PAFAH1B1: variants seen among roughly 807,000 people sequenced by gnomAD.
The protein encoded by PAFAH1B1 is platelet-activating factor acetylhydrolase IB subunit beta.
PAFAH1B1 carries 2 observed loss-of-function variants against 57.5 expected under a neutral mutation model. The ratio of observed to expected loss-of-function variants is 0.03; its 90% confidence interval spans 0.01 to 0.11. The LOEUF (loss-of-function observed/expected upper bound fraction) is 0.11, where lower values mean the gene tolerates loss of function less well. Ranked by LOEUF, PAFAH1B1 falls within the 10% of genes least tolerant of loss-of-function variation. The pLI, the probability that PAFAH1B1 is intolerant of heterozygous loss-of-function variation, is 1.00. For missense variants in PAFAH1B1, 257 were observed against 512.0 expected, an observed-to-expected ratio of 0.50 and a Z score of 4.81; for synonymous variants, 152 against 169.6, an observed-to-expected ratio of 0.90 and a Z score of 0.81.
At position 2,632,219 on chromosome 17, in the gene PAFAH1B1, A is replaced by T. The variant is rs537445772; in HGVS notation, c.-190-5880A>T. ...CTTGGGATTTCAGGCGTGAGCCTCC[A>T]CACTCAGCCTCATTGTGTATTTCTG... is the stretch of plus-strand genomic sequence containing the variant. On this transcript the variant is annotated intron_variant, in intron 1 of 10. Transcript: ENST00000397195. Among the ~76,000 whole-genome samples the T allele has an allele frequency of 2.6e-5, 4 of 152,312 alleles. No homozygotes were observed. In the East Asian group the frequency reaches 7.7e-4, roughly 29 times the overall value.
rs1423042163 is a variant in PAFAH1B1, at chr17:2,632,331, A to G, written c.-190-5768A>G. Among the ~76,000 whole-genome samples the G allele has an allele frequency of 2.6e-5, 4 of 152,338 alleles. No homozygotes were observed. The South Asian group carries it at 8.3e-4, about 32-fold the overall frequency. On this transcript the variant is annotated intron_variant, in intron 1 of 10. Transcript: ENST00000397195. ...TTACCAGATGTCCAGCCAGTGTTCA[A>G]ATTTTCCCAAGTTTGTTCATTGGTT...
intron 2 of PAFAH1B1, 61 bp from the exon 3 acceptor site, chr17:2,665,311 C>A: frequency 1.1e-6 from 1 of 909,430 alleles, no homozygotes; most frequent in Non-Finnish European, 1.8e-6. Context: ...TAAATAAATT[C>A]TATTTCTTCA....
At chr17:2,634,302 A>AT (rs2068594829) in intron 1 of PAFAH1B1, among the ~76,000 whole-genome samples, 2 of 151,942 alleles carry the variant, frequency 1.3e-5, no homozygotes, top group Non-Finnish European at 2.9e-5. Context: ...TGCCCAGCTA[A>AT]TTTTTTGTAT....
chr17:2,638,145 T>A lies in PAFAH1B1; in HGVS notation c.-144T>A, dbSNP rs2068647004. ...GAATATCTTCTGGTTACTAGTTGGATTCATTTGTGAAAGAATCATTTTCCC... is the reference window on the plus strand; with the variant it reads ...GAATATCTTCTGGTTACTAGTTGGAATCATTTGTGAAAGAATCATTTTCCC... On this transcript the variant is annotated 5_prime_UTR_variant, in exon 2 of 11. Coordinates refer to ENST00000397195, the MANE Select transcript of PAFAH1B1 (RefSeq NM_000430.4). 1.6e-6 allele frequency: 1 copy of A among 625,056 alleles called. No individual in the cohort carries two copies. Among genetic ancestry groups the A allele is most frequent in the Non-Finnish European group, 2.9e-6 (1 of 346,966 alleles). 38.7% of individuals were successfully genotyped at this position (625,056 alleles called of 1,614,324 possible).
At chr17:2,623,261 C>CTTTTT (rs376810275) in intron 1 of PAFAH1B1, among the ~76,000 whole-genome samples, 6 of 103,966 alleles carry the variant, frequency 5.8e-5, no homozygotes, top group Non-Finnish European at 9.2e-5. Flanking sequence ...TTTTTCCTTT[C>CTTTTT]TTTTTTTTTT....
At chr17:2,659,911 C>T (rs183937455) in intron 2 of PAFAH1B1, among the ~76,000 whole-genome samples, 1 of 152,240 alleles carries the variant, frequency 6.6e-6, no homozygotes, top group African/African-American at 2.4e-5. Context: ...GGAATGATCC[C>T]CTGTATATCT....
chr17:2,633,025 G>GT (rs2068574075), intron 1 of PAFAH1B1, among the ~76,000 whole-genome samples: 1 of 152,098 alleles, frequency 6.6e-6, no homozygotes. Context: ...ATAAACTGTA[G>GT]TTATATAGAT....
intron 1 of PAFAH1B1, among the ~76,000 whole-genome samples, chr17:2,607,678 T>A (rs1328907285): frequency 6.6e-6 from 1 of 151,756 alleles, no homozygotes; most frequent in Non-Finnish European, 1.5e-5. Flanking sequence ...GAGACAGGGT[T>A]TCACCATGTT....
rs554168515 is a variant in PAFAH1B1, at chr17:2,683,777, A to G, written c.*1975A>G. ...GCTCTTCTGACTGGATTTTTCTACA[A>G]AAACTATGGAAAATATCTTTGTTCT... On this transcript the variant is annotated 3_prime_UTR_variant, in exon 11 of 11. Transcript: ENST00000397195. 2 of 152,756 alleles carry G rather than the reference A, an allele frequency of 1.3e-5. No individual in the cohort carries two copies. Among genetic ancestry groups the G allele is most frequent in the Admixed American group, 6.5e-5 (1 of 15,296 alleles). 9.5% of individuals were successfully genotyped at this position (152,756 alleles called of 1,614,324 possible).
At chr17:2,610,298 GAGAA>G (rs1486797596) in intron 1 of PAFAH1B1, among the ~76,000 whole-genome samples, 13 of 152,246 alleles carry the variant, frequency 8.5e-5, no homozygotes, top group Admixed American at 8.5e-4. Context: ...TAAAAGTAAG[GAGAA>G]AGAAGAAACA....
intron 2 of PAFAH1B1, among the ~76,000 whole-genome samples, chr17:2,652,058 A>G (rs12051858): frequency 0.67 from 102,398 of 152,016 alleles, 34,865 homozygotes; most frequent in East Asian, 0.88. Context: ...TTTCCAGAAA[A>G]TTACAATTAT....
intron 1 of PAFAH1B1, among the ~76,000 whole-genome samples, chr17:2,627,749 C>T (rs2068510207): frequency 6.6e-6 from 1 of 152,106 alleles, no homozygotes; most frequent in African/African-American, 2.4e-5. Flanking sequence ...TGTGTCATCT[C>T]TGATTTCTTT....
At chr17:2,598,943 G>A (rs533949378) in intron 1 of PAFAH1B1, among the ~76,000 whole-genome samples, 1 of 152,126 alleles carries the variant, frequency 6.6e-6, no homozygotes, top group Non-Finnish European at 1.5e-5. Flanking sequence ...GAATTTAATT[G>A]ATATTTATGA....
Position 2,631,686 on chromosome 17 carries a change from G to C in PAFAH1B1, c.-190-6413G>C, listed in dbSNP as rs182065059. Reference sequence around the variant, plus strand: ...CACTTCTGCAGTTGGGACACTCACAGTATTTGGGGTGTCTCCCGGGTCCTG... The same window carrying C: ...CACTTCTGCAGTTGGGACACTCACACTATTTGGGGTGTCTCCCGGGTCCTG... On this transcript the variant is annotated intron_variant, in intron 1 of 10. Coordinates refer to ENST00000397195, the MANE Select transcript of PAFAH1B1 (RefSeq NM_000430.4). Among the ~76,000 whole-genome samples the C allele has an allele frequency of 1.5e-3, 236 of 152,300 alleles. 2 individuals carry two copies. Among genetic ancestry groups the C allele is most frequent in the Non-Finnish European group, 2.2e-3 (148 of 68,024 alleles).
At chr17:2,635,358 CT>C (rs775522745) in intron 1 of PAFAH1B1, 3 of 151,948 alleles carry the variant, frequency 2.0e-5, no homozygotes, top group Admixed American at 1.3e-4. Flanking sequence ...TGTCATCATT[CT>C]TTCTTTTATT....
chr17:2,669,494 C>T (rs754768133), intron 5 of PAFAH1B1, among the ~76,000 whole-genome samples: 11 of 152,244 alleles, frequency 7.2e-5, no homozygotes, highest in East Asian at 3.9e-4. Context: ...GAACTGACCT[C>T]GTGGTCCGCC....
chr17:2,610,695 A>G (rs1270031655), intron 1 of PAFAH1B1, among the ~76,000 whole-genome samples: 3 of 152,252 alleles, frequency 2.0e-5, no homozygotes, highest in African/African-American at 4.8e-5. Context: ...GCCACATTCA[A>G]AGCTGTCCTG....
chr17:2,678,695 C>G (rs2069314884), intron 9 of PAFAH1B1, among the ~76,000 whole-genome samples: 1 of 152,160 alleles, frequency 6.6e-6, no homozygotes. Flanking sequence ...GCCTGAGCAA[C>G]ATAACAAGAC....
chr17:2,636,628 A>G (rs978372394), intron 1 of PAFAH1B1, among the ~76,000 whole-genome samples: 5 of 151,632 alleles, frequency 3.3e-5, no homozygotes, highest in African/African-American at 1.2e-4. Context: ...CAAACTCCTC[A>G]CCTCAAGTGG....
Sources: allele counts gnomAD v4.1 joint callset (sites outside exome capture counted in the v4.1 genomes callset), GRCh38; gene constraint gnomAD v4.1.1; transcripts MANE v1.5; gene names NCBI Gene and HGNC (gene_info 2026-07-23, HGNC 2026-07-21).